Variants in ATXN2 observed in about 807,000 individuals in gnomAD.
The protein encoded by ATXN2 is ataxin 2.
In ATXN2, 37 loss-of-function variants were observed where a neutral mutation model predicts 138.6. The ratio of observed to expected loss-of-function variants is 0.27; its 90% CI spans 0.21 to 0.35. The LOEUF is 0.35. ATXN2 is among the 10% of genes least tolerant of loss of function. The pLI is 1.00. For missense variants in ATXN2, 1,216 were observed against 1,480.3 expected (o/e 0.82, Z 2.93); for synonymous variants, 549 against 543.7 (o/e 1.01, Z -0.13).
chr12:111,524,956 A>T (rs1880397202), intron 6 of ATXN2, among the ~76,000 whole-genome samples: 1 of 152,222 alleles, frequency 6.6e-6, no homozygotes, highest in Admixed American at 6.5e-5. Context: ...ACAAAGAAGT[A>T]ATTCATGAGC....
chr12:111,470,121 C>T lies in ATXN2; in HGVS notation c.2829G>A (p.Thr943=), dbSNP rs78969161. 340 of 1,613,912 alleles carry T rather than the reference C, an allele frequency of 2.1e-4. 3 individuals are homozygous for T. The East Asian group carries it at 5.6e-3, about 26-fold the overall frequency. Residue 943 remains threonine (T), a synonymous_variant, in exon 20 of 25, where the codon ACG becomes ACA. Transcript: ENST00000673436. ...SATQYGAHEQ[T]HAMYACPKLP... is the part of the protein sequence containing the mutation. The stretch of plus-strand genomic sequence containing the variant: ...AGTGCTTCCTACCATACATCGCATG[C>T]GTCTGCTCATGAGCCCCGTACTGAG...
chr12:111,525,842 G>C (rs974496252), intron 5 of ATXN2, among the ~76,000 whole-genome samples: 1 of 151,734 alleles, frequency 6.6e-6, no homozygotes, highest in African/African-American at 2.4e-5. Flanking sequence ...GTACCACCAC[G>C]CCCGGATAAT....
chr12:111,463,619 T>C (rs1385478468), intron 21 of ATXN2, among the ~76,000 whole-genome samples: 1 of 152,132 alleles, frequency 6.6e-6, no homozygotes, highest in Non-Finnish European at 1.5e-5. Context: ...AAATGTACCT[T>C]AAAAGTTCAT....
intron 5 of ATXN2, among the ~76,000 whole-genome samples, chr12:111,549,541 A>T (rs1267880526): frequency 6.9e-6 from 1 of 145,464 alleles, no homozygotes; most frequent in Non-Finnish European, 1.5e-5. Context: ...ATCTCGAAAT[A>T]AAAAAAAAAA....
Position 111,509,629 on chromosome 12 carries a change from TAAG to T in ATXN2, c.1865-13_1865-11del. ...ACAACTGGTGATATACCTGTAAAAT[TAAG>T]AACTGTTAAGACACAGGTTTATTTT... On this transcript the variant is annotated splice_polypyrimidine_tract_variant and intron_variant, in intron 13 of 24. Coordinates refer to ENST00000673436, the MANE Select transcript of ATXN2 (RefSeq NM_001372574.1). 1 of 1,420,726 alleles carries T rather than the reference TAAG, an allele frequency of 7.0e-7. No homozygotes were observed. The highest frequency in any genetic ancestry group is 9.7e-7 in the Non-Finnish European group (1 of 1,025,746). The allele number at this position is 1,420,726 out of a possible 1,614,324, so 88.0% of individuals were successfully genotyped here.
In ATXN2 at chr12:111,599,098, G is replaced by T; in HGVS notation, c.-64C>A. 1 of 1,317,586 alleles carries T rather than the reference G, an allele frequency of 7.6e-7. No homozygotes were observed. The allele number at this position is 1,317,586 out of a possible 1,614,324, so 81.6% of individuals were successfully genotyped here. A position where few individuals can be genotyped will look rare whatever the true frequency, so the allele number is the denominator to read the frequency against. On this transcript the variant is annotated 5_prime_UTR_variant, in exon 1 of 25. Coordinates refer to ENST00000673436, the MANE Select transcript of ATXN2 (RefSeq NM_001372574.1). ...GACAGCCGGGAGCCGGGCGCGCCAAGGAGACGCCGGAACGCGGCGGGGACG... is the reference window on the plus strand; with the variant it reads ...GACAGCCGGGAGCCGGGCGCGCCAATGAGACGCCGGAACGCGGCGGGGACG...
intron 1 of ATXN2, among the ~76,000 whole-genome samples, chr12:111,596,327 TAACA>T (rs1884940908): frequency 2.0e-5 from 3 of 151,148 alleles, no homozygotes; most frequent in African/African-American, 7.3e-5. Context: ...AAAATATATA[TAACA>T]AAGAACAAAA....
chr12:111,597,755 G>T, intron 1 of ATXN2: 1 of 884,682 alleles, frequency 1.1e-6, no homozygotes, highest in Non-Finnish European at 1.6e-6. Flanking sequence ...CCGCCTTTCT[G>T]CCTTCAGGAA....
intron 5 of ATXN2, among the ~76,000 whole-genome samples, chr12:111,534,135 T>TA (rs577611795): frequency 2.6e-5 from 4 of 151,708 alleles, no homozygotes; most frequent in Non-Finnish European, 5.9e-5. Context: ...AAAATATAAG[T>TA]ATTTCAGTGG....
At chr12:111,547,990 T>C (rs1448822003) in intron 5 of ATXN2, among the ~76,000 whole-genome samples, 1 of 151,662 alleles carries the variant, frequency 6.6e-6, no homozygotes, top group Non-Finnish European at 1.5e-5. Flanking sequence ...GTCAGGAGCT[T>C]GAAATCAGCC....
At chr12:111,528,952 G>A (rs1880655352) in intron 5 of ATXN2, among the ~76,000 whole-genome samples, 1 of 152,080 alleles carries the variant, frequency 6.6e-6, no homozygotes, top group Non-Finnish European at 1.5e-5. Flanking sequence ...TTTTGTTTCT[G>A]TTTCTTTAAA....
At chr12:111,460,867 G>A (rs1283065335) in intron 21 of ATXN2, among the ~76,000 whole-genome samples, 1 of 151,894 alleles carries the variant, frequency 6.6e-6, no homozygotes, top group South Asian at 2.1e-4. Flanking sequence ...ACTATAATAC[G>A]GTTTTCTAAT....
intron 9 of ATXN2, among the ~76,000 whole-genome samples, chr12:111,517,317 A>G (rs1879911224): frequency 6.6e-6 from 1 of 152,126 alleles, no homozygotes; most frequent in South Asian, 2.1e-4. Context: ...ATCTTTCCTC[A>G]GTGAGCAAAG....
chr12:111,537,029 A>G (rs1881223838), intron 5 of ATXN2, among the ~76,000 whole-genome samples: 1 of 151,888 alleles, frequency 6.6e-6, no homozygotes, highest in African/African-American at 2.4e-5. Context: ...ATGATCTGCC[A>G]GCCCCAGCCT....
intron 14 of ATXN2, among the ~76,000 whole-genome samples, chr12:111,506,571 G>A (rs1879123371): frequency 1.3e-5 from 2 of 151,952 alleles, no homozygotes; most frequent in African/African-American, 4.8e-5. Context: ...AAATAATGCT[G>A]AGGAAAAAAT....
rs1028372357 is a variant in ATXN2 at position 111,577,130 on chromosome 12, C to T, written c.252-21211G>A. On this transcript the variant is annotated intron_variant, in intron 1 of 24. Transcript: ENST00000673436. Reference sequence around the variant, plus strand: ...CCACGACAAGTTAATTGATAACTTACTAAGCATACAAAGTTGTACAAAACA... The same window carrying T: ...CCACGACAAGTTAATTGATAACTTATTAAGCATACAAAGTTGTACAAAACA... 8.6e-5 allele frequency among the ~76,000 whole-genome samples: 13 copies of T among 151,900 alleles called. 2 individuals are homozygous for T. The highest frequency in any genetic ancestry group is 3.1e-4 in the African/African-American group (13 of 41,472).
intron 1 of ATXN2, among the ~76,000 whole-genome samples, chr12:111,566,278 C>T (rs1295216105): frequency 1.3e-5 from 2 of 151,654 alleles, no homozygotes; most frequent in African/African-American, 4.8e-5. Context: ...ACTAAAAATA[C>T]AAAATTAGGT....
chr12:111,595,640 C>T, intron 1 of ATXN2, among the ~76,000 whole-genome samples: 1 of 79,644 alleles, frequency 1.3e-5, no homozygotes, highest in South Asian at 3.8e-4. Context: ...GACTCTGTCT[C>T]AAAAAAAAAA....
chr12:111,555,768 TTATC>T, intron 2 of ATXN2, 111 bp downstream of exon 2: 1 of 841,706 alleles, frequency 1.2e-6, no homozygotes, highest in Non-Finnish European at 1.9e-6. Flanking sequence ...AACAGTCAAG[TTATC>T]TATGACAAAA....
Sources: allele counts gnomAD v4.1 joint callset (sites outside exome capture counted in the v4.1 genomes callset), GRCh38; gene constraint gnomAD v4.1.1; transcripts MANE v1.5; gene names NCBI Gene and HGNC (gene_info 2026-07-23, HGNC 2026-07-21).